SPATA16: variants seen among roughly 807,000 people sequenced by gnomAD.
The protein encoded by SPATA16 is spermatogenesis associated 16.
A neutral mutation model predicts 63.3 loss-of-function variants in SPATA16; 36 were observed. The ratio of observed to expected loss-of-function variants is 0.57; its 90% CI spans 0.44 to 0.75. SPATA16 has a LOEUF of 0.75. Ranked by LOEUF, SPATA16 falls within the 30% of genes least tolerant of loss-of-function variation. The pLI is 0.00. For synonymous variants in SPATA16, 203 were observed against 216.7 expected (o/e 0.94, Z 0.56); for missense variants, 646 against 679.3 (o/e 0.95, Z 0.54).
At chr3:172,953,395 C>T (rs558043352) in intron 6 of SPATA16, among the ~76,000 whole-genome samples, 24 of 152,250 alleles carry the variant, frequency 1.6e-4, no homozygotes, top group African/African-American at 5.3e-4. Flanking sequence ...AACTTCTAGT[C>T]TTCTGTGGAA....
intron 1 of SPATA16, among the ~76,000 whole-genome samples, chr3:173,127,841 G>C (rs1376552697): frequency 6.6e-6 from 1 of 152,130 alleles, no homozygotes; most frequent in Non-Finnish European, 1.5e-5. Flanking sequence ...GACACTTTGC[G>C]ACCACGCAAT....
At chr3:173,104,645 C>T (rs748561781) in intron 2 of SPATA16, among the ~76,000 whole-genome samples, 2 of 152,130 alleles carry the variant, frequency 1.3e-5, no homozygotes, top group African/African-American at 2.4e-5. Context: ...AGCCATGACC[C>T]AAACACCTCC....
At chr3:172,916,600 T>C in intron 8 of SPATA16, 119 bp from the exon 9 acceptor site, 1 of 1,076,462 alleles carries the variant, frequency 9.3e-7, no homozygotes, top group Non-Finnish European at 1.4e-6. Flanking sequence ...CGGAATCTAG[T>C]ACAAATACAT....
intron 4 of SPATA16, among the ~76,000 whole-genome samples, chr3:172,996,668 C>A (rs1245490649): frequency 6.6e-6 from 1 of 152,074 alleles, no homozygotes; most frequent in Non-Finnish European, 1.5e-5. Context: ...CTAAAGTCTA[C>A]AATTTACATT....
chr3:173,088,178 AG>A (rs1292174310), intron 2 of SPATA16, among the ~76,000 whole-genome samples: 4 of 145,952 alleles, frequency 2.7e-5, no homozygotes, highest in Admixed American at 2.1e-4. Context: ...TCCGCCTCCC[AG>A]GTTCAAGCAA....
intron 4 of SPATA16, among the ~76,000 whole-genome samples, chr3:173,018,500 T>G (rs561068954): frequency 6.6e-6 from 1 of 152,228 alleles, no homozygotes; most frequent in South Asian, 2.1e-4. Flanking sequence ...GGTCTCAAAC[T>G]CCCGACCTCA....
chr3:173,043,474 A>G (rs1489571459), intron 3 of SPATA16, among the ~76,000 whole-genome samples: 1 of 151,918 alleles, frequency 6.6e-6, no homozygotes, highest in Non-Finnish European at 1.5e-5. Flanking sequence ...TTACATTGGC[A>G]TGTGTAATCT....
At chr3:172,958,267 T>C (rs1733648650) in intron 5 of SPATA16, among the ~76,000 whole-genome samples, 1 of 152,130 alleles carries the variant, frequency 6.6e-6, no homozygotes. Context: ...GGAAGGCTAA[T>C]GGGGATAATG....
chr3:173,028,449 G>A (rs1006788868), intron 3 of SPATA16, among the ~76,000 whole-genome samples: 11 of 151,724 alleles, frequency 7.3e-5, no homozygotes, highest in Non-Finnish European at 1.5e-4. Flanking sequence ...CCTTTTTGTG[G>A]ACCTTATTTT....
intron 2 of SPATA16, among the ~76,000 whole-genome samples, chr3:173,067,700 TG>T (rs1405625973): frequency 7.6e-6 from 1 of 130,816 alleles, no homozygotes; most frequent in Non-Finnish European, 1.6e-5. Flanking sequence ...AAAATTAATT[TG>T]AAGGAATAAT....
At chr3:172,919,219 G>A (rs1359376670) in intron 8 of SPATA16, among the ~76,000 whole-genome samples, 4 of 152,188 alleles carry the variant, frequency 2.6e-5, no homozygotes, top group African/African-American at 9.6e-5. Flanking sequence ...AGTACATAAG[G>A]TTTGAAACTG....
intron 10 of SPATA16, among the ~76,000 whole-genome samples, chr3:172,895,957 A>G (rs567612063): frequency 3.9e-5 from 6 of 152,034 alleles, no homozygotes; most frequent in African/African-American, 1.4e-4. Flanking sequence ...CAGGAGGGCA[A>G]TTTCTAGGTT....
intron 1 of SPATA16, among the ~76,000 whole-genome samples, chr3:173,120,488 G>A (rs538259982): frequency 2.0e-3 from 302 of 152,138 alleles, no homozygotes; most frequent in Non-Finnish European, 3.8e-3. Flanking sequence ...TACCTCCCAG[G>A]TATCTTATCT....
At chr3:173,096,021 A>G (rs867723102) in intron 2 of SPATA16, among the ~76,000 whole-genome samples, 2 of 152,114 alleles carry the variant, frequency 1.3e-5, no homozygotes, top group Non-Finnish European at 2.9e-5. Context: ...AGATTTTACA[A>G]TCTCCCTATA....
At chr3:173,099,355 T>C (rs1165641471) in intron 2 of SPATA16, among the ~76,000 whole-genome samples, 2 of 152,184 alleles carry the variant, frequency 1.3e-5, no homozygotes, top group Non-Finnish European at 2.9e-5. Context: ...TTGTTAGCTA[T>C]TGTTGTTAAT....
chr3:173,125,705 A>G (rs1738208899), intron 1 of SPATA16, among the ~76,000 whole-genome samples: 1 of 152,116 alleles, frequency 6.6e-6, no homozygotes, highest in Non-Finnish European at 1.5e-5. Flanking sequence ...TTGTGTATGT[A>G]TTTTACGTCT....
intron 5 of SPATA16, among the ~76,000 whole-genome samples, chr3:172,961,014 C>G (rs1197010864): frequency 9.4e-4 from 75 of 80,190 alleles, no homozygotes; most frequent in African/African-American, 3.1e-3. Context: ...TTCTTTCTTT[C>G]TTTTTCTCTC....
At position 173,140,507 on chromosome 3, in the gene SPATA16, G is replaced by A. The variant is rs570989456; in HGVS notation, c.-19+596C>T. Among the ~76,000 whole-genome samples the A allele has an allele frequency of 7.9e-5, 12 of 152,238 alleles. No homozygotes were observed. The East Asian group carries it at 1.9e-3, about 25-fold the overall frequency. On this transcript the variant is annotated intron_variant, in intron 1 of 10. Transcript: ENST00000351008. ...AAACATTTCAGAGCACGCATTTTAC[G>A]CCAGGCATGATGTTAGGATACAGAA... is the stretch of plus-strand genomic sequence containing the variant.
chr3:173,133,205 A>G (rs564292464), intron 1 of SPATA16, among the ~76,000 whole-genome samples: 7 of 152,316 alleles, frequency 4.6e-5, no homozygotes, highest in African/African-American at 1.4e-4. Flanking sequence ...ACTGGAACTG[A>G]AACCTGCAGA....
Sources: allele counts gnomAD v4.1 joint callset (sites outside exome capture counted in the v4.1 genomes callset), GRCh38; gene constraint gnomAD v4.1.1; transcripts MANE v1.5; gene names NCBI Gene and HGNC (gene_info 2026-07-23, HGNC 2026-07-21).